The following IGFBP4 variants were observed in gnomAD, a reference collection of about 807,000 sequenced individuals.
IGFBP4 encodes insulin like growth factor binding protein 4.
A neutral mutation model predicts 25.8 loss-of-function variants in IGFBP4; 9 were observed. The ratio of observed to expected loss-of-function variants is 0.35; its 90% CI spans 0.21 to 0.61. IGFBP4 has a LOEUF of 0.61. Ranked by LOEUF, IGFBP4 falls within the 20% of genes least tolerant of loss-of-function variation. The probability of loss-of-function intolerance (pLI) is 0.77; values close to 1 mark genes in which losing one functional copy is unlikely to be tolerated. For synonymous variants in IGFBP4, 153 were observed against 153.9 expected, an observed-to-expected ratio of 0.99 and a Z score of 0.05; for missense variants, 315 against 365.3, an observed-to-expected ratio of 0.86 and a Z score of 1.12.
rs1439411270 is a variant in IGFBP4, at chr17:40,457,107, C to T, written c.*524C>T. On this transcript the variant is annotated 3_prime_UTR_variant, in exon 4 of 4. Coordinates refer to ENST00000269593, the MANE Select transcript of IGFBP4 (RefSeq NM_001552.3). Reference sequence around the variant, plus strand: ...GAGAAGAGACATGTACCTTGACCATCGTCCTTCCTCTCAAGCTAGCCAGAG... The same window carrying T: ...GAGAAGAGACATGTACCTTGACCATTGTCCTTCCTCTCAAGCTAGCCAGAG... 1.3e-5 allele frequency: 2 copies of T among 152,640 alleles called. No individual in the cohort carries two copies. Among genetic ancestry groups the T allele is most frequent in the Non-Finnish European group, 1.5e-5 (1 of 68,382 alleles). The allele number at this position is 152,640 out of a possible 1,614,324, so 9.5% of individuals were successfully genotyped here. A position where few individuals can be genotyped will look rare whatever the true frequency, so the allele number is the denominator to read the frequency against.
rs146275154 is a variant in IGFBP4 at position 40,453,118 on chromosome 17, G to A, written c.483G>A (p.Ala161=). 5.4e-4 allele frequency: 849 copies of A among 1,579,922 alleles called. No homozygotes were observed. The highest frequency in any genetic ancestry group is 4.3e-4 in the Non-Finnish European group (496 of 1,162,228). Reference sequence around the variant, plus strand: ...GGGGCAAGATGAAGGTCAATGGGGCGCCCCGGGAGGATGCCCGGCCTGTGG... The same window carrying A: ...GGGGCAAGATGAAGGTCAATGGGGCACCCCGGGAGGATGCCCGGCCTGTGG... The part of the protein sequence containing the change: ...TSGGKMKVNG[A]PREDARPVPQ... The change falls in exon 2 of 4, where the codon GCG becomes GCA. Residue 161 remains alanine, a synonymous_variant. Coordinates refer to ENST00000269593, the MANE Select transcript of IGFBP4 (RefSeq NM_001552.3). This position sits in a 1 kb window ranked among gnomAD's most constrained non-coding sequence, Gnocchi z 4.0.
rs1426316704 is a variant in IGFBP4 at position 40,456,668 on chromosome 17, G to A, written c.*85G>A. 1 of 1,379,724 alleles carries A rather than the reference G, an allele frequency of 7.2e-7. No individual in the cohort carries two copies. The highest frequency in any genetic ancestry group is 2.3e-5 in the East Asian group (1 of 42,848). The allele number at this position is 1,379,724 out of a possible 1,614,324, so 85.5% of individuals were successfully genotyped here. A position where few individuals can be genotyped will look rare whatever the true frequency, so the allele number is the denominator to read the frequency against. On this transcript the variant is annotated 3_prime_UTR_variant, in exon 4 of 4. Transcript: ENST00000269593. ...AGAGCTGACCCAGAGTGGAGTCTGA[G>A]TCTGAGTCCTGTCTCTGCCTGCGGC...
rs2035622419 is a variant in IGFBP4 at position 40,443,678 on chromosome 17, G to GCCCGCGCT, written c.-54_-47dup. 1 of 1,015,464 alleles carries GCCCGCGCT rather than the reference G, an allele frequency of 9.8e-7. No individual in the cohort carries two copies. 62.9% of individuals were successfully genotyped at this position (1,015,464 alleles called of 1,614,324 possible). On this transcript the variant is annotated 5_prime_UTR_variant, in exon 1 of 4. Coordinates refer to ENST00000269593, the MANE Select transcript of IGFBP4 (RefSeq NM_001552.3). ...TGTGCCCTCCGCCGCTCGCCCGCGC[G>GCCCGCGCT]CCCGCGCTCCCCGCCTGCGCCCAGC... is the stretch of plus-strand genomic sequence containing the variant.
rs201969390 is a variant in IGFBP4, at chr17:40,456,585, G to A, written c.*2G>A. On this transcript the variant is annotated 3_prime_UTR_variant, in exon 4 of 4. Coordinates refer to ENST00000269593, the MANE Select transcript of IGFBP4 (RefSeq NM_001552.3). Reference sequence around the variant, plus strand: ...CTGGCTGACAGCTTTCGAGAGTGAGGCCTGCCAGCAGGCCAGGGACTCAGC... The same window carrying A: ...CTGGCTGACAGCTTTCGAGAGTGAGACCTGCCAGCAGGCCAGGGACTCAGC... 6.2e-7 allele frequency: 1 copy of A among 1,611,680 alleles called. No individual in the cohort carries two copies. Among genetic ancestry groups the A allele is most frequent in the Non-Finnish European group, 8.5e-7 (1 of 1,179,362 alleles).
Position 40,456,519 on chromosome 17 carries a change from C to CG in IGFBP4, c.719dup (p.Leu241ProfsTer14). ...GACCGGAAGACGGGGGTGAAGCTTCCGGGGGGCCTGGAGCCAAAGGGGGAG... is the reference window on the plus strand; with the variant it reads ...GACCGGAAGACGGGGGTGAAGCTTCCGGGGGGGCCTGGAGCCAAAGGGGGAG... On this transcript the variant is annotated frameshift_variant, in exon 4 of 4. Transcript: ENST00000269593. LOFTEE classifies it high-confidence loss of function. The CG allele has an allele frequency of 1.1e-5, 17 of 1,613,628 alleles. No homozygotes were observed. Among genetic ancestry groups the CG allele is most frequent in the Non-Finnish European group, 1.2e-5 (14 of 1,179,858 alleles).
intron 3 of IGFBP4, among the ~76,000 whole-genome samples, chr17:40,455,356 A>C (rs1037185356): frequency 6.6e-6 from 1 of 151,916 alleles, no homozygotes; most frequent in Non-Finnish European, 1.5e-5. Flanking sequence ...GCAGGATCTC[A>C]GTCTCCCAGG....
At chr17:40,444,984 G>GAGAT (rs2035636451) in intron 1 of IGFBP4, among the ~76,000 whole-genome samples, 1 of 138,470 alleles carries the variant, frequency 7.2e-6, no homozygotes, top group Non-Finnish European at 1.6e-5. Flanking sequence ...GAGAGAGAGA[G>GAGAT]ACTCTGAGAA....
At chr17:40,452,434 A>G (rs2035689075) in intron 1 of IGFBP4, among the ~76,000 whole-genome samples, 1 of 151,828 alleles carries the variant, frequency 6.6e-6, no homozygotes, top group Non-Finnish European at 1.5e-5. Context: ...CTTCTCTCCC[A>G]CTCAGCCAAT....
Position 40,456,676 on chromosome 17 carries a change from C to A in IGFBP4, c.*93C>A. 7.8e-7 allele frequency: 1 copy of A among 1,278,914 alleles called. No individual in the cohort carries two copies. The highest frequency in any genetic ancestry group is 1.1e-6 in the Non-Finnish European group (1 of 922,748). The allele number at this position is 1,278,914 out of a possible 1,614,324, so 79.2% of individuals were successfully genotyped here. A position where few individuals can be genotyped will look rare whatever the true frequency, so the allele number is the denominator to read the frequency against. ...CCCAGAGTGGAGTCTGAGTCTGAGT[C>A]CTGTCTCTGCCTGCGGCCCAGAAGT... On this transcript the variant is annotated 3_prime_UTR_variant, in exon 4 of 4. Coordinates refer to ENST00000269593, the MANE Select transcript of IGFBP4 (RefSeq NM_001552.3).
intron 1 of IGFBP4, among the ~76,000 whole-genome samples, chr17:40,448,677 T>C (rs1158856639): frequency 6.6e-6 from 1 of 152,182 alleles, no homozygotes; most frequent in Non-Finnish European, 1.5e-5. Flanking sequence ...AGAGACTCAA[T>C]GCTATAACCC....
rs754804860 is a variant in IGFBP4 at position 40,453,161 on chromosome 17, C to T, written c.507+19C>T. On this transcript the variant is annotated intron_variant, in intron 2 of 3. Transcript: ENST00000269593. This position sits in a 1 kb window ranked among gnomAD's most constrained non-coding sequence, Gnocchi z 4.0. Reference sequence around the variant, plus strand: ...GCCTGTGGTAAGGACCTCCGATGCACAAATGTGCATGTGCATAGACACACA... The same window carrying T: ...GCCTGTGGTAAGGACCTCCGATGCATAAATGTGCATGTGCATAGACACACA... 4.0e-6 allele frequency: 6 copies of T among 1,508,720 alleles called. No individual in the cohort carries two copies. Among genetic ancestry groups the T allele is most frequent in the Non-Finnish European group, 5.3e-6 (6 of 1,127,842 alleles). The allele number at this position is 1,508,720 out of a possible 1,614,324, so 93.5% of individuals were successfully genotyped here.
At chr17:40,446,876 C>T (rs1251719188) in intron 1 of IGFBP4, among the ~76,000 whole-genome samples, 2 of 152,304 alleles carry the variant, frequency 1.3e-5, no homozygotes, top group Non-Finnish European at 2.9e-5. Flanking sequence ...CTTGCTGTGA[C>T]CTGGGCCACA....
At position 40,456,539 on chromosome 17, in the gene IGFBP4, G is replaced by T; in HGVS notation, c.733G>T (p.Gly245Trp). 4 of 1,613,606 alleles carry T rather than the reference G, an allele frequency of 2.5e-6. No individual in the cohort carries two copies. The highest frequency in any genetic ancestry group is 1.1e-5 in the South Asian group (1 of 91,054). ...VKLPGGLEPK[G>W]ELDCHQLADS... ...GCTTCCGGGGGGCCTGGAGCCAAAG[G>T]GGGAGCTGGACTGCCACCAGCTGGC... is the stretch of plus-strand genomic sequence containing the variant. Residue 245 changes from glycine (G) to tryptophan (W), a missense_variant, in exon 4 of 4, where the codon GGG becomes TGG. By Grantham distance (184) the Gly-to-Trp change is radical. Coordinates refer to ENST00000269593, the MANE Select transcript of IGFBP4 (RefSeq NM_001552.3).
chr17:40,445,230 C>T (rs1567799695), intron 1 of IGFBP4, among the ~76,000 whole-genome samples: 1 of 152,052 alleles, frequency 6.6e-6, no homozygotes, highest in Admixed American at 6.6e-5. Flanking sequence ...TGCTTCTCTC[C>T]CTCTCTTTCT....
At position 40,453,673 on chromosome 17, in the gene IGFBP4, T is replaced by TTCCCCACAGTG. The variant is rs1426527577; in HGVS notation, c.508-249_508-239dup. Among the ~76,000 whole-genome samples, 37 of 152,054 alleles carry TTCCCCACAGTG rather than the reference T, an allele frequency of 2.4e-4. No homozygotes were observed. Among genetic ancestry groups the TTCCCCACAGTG allele is most frequent in the Middle Eastern group, 3.2e-3 (1 of 316 alleles). ...TTCTGCATAGGTTCCCACAGCCCCT[T>TTCCCCACAGTG]TCCCCACAGTGTCCCCTCACTTCCC... On this transcript the variant is annotated intron_variant, in intron 2 of 3. Coordinates refer to ENST00000269593, the MANE Select transcript of IGFBP4 (RefSeq NM_001552.3). This position sits in a 1 kb window ranked among gnomAD's most constrained non-coding sequence, Gnocchi z 4.0.
chr17:40,454,134 G>A lies in IGFBP4; in HGVS notation c.642+72G>A. The A allele has an allele frequency of 2.0e-6, 3 of 1,520,734 alleles. No individual in the cohort carries two copies. In the Admixed American group the frequency reaches 6.3e-5, roughly 32 times the overall value. The allele number at this position is 1,520,734 out of a possible 1,614,324, so 94.2% of individuals were successfully genotyped here. A position where few individuals can be genotyped will look rare whatever the true frequency, so the allele number is the denominator to read the frequency against. On this transcript the variant is annotated intron_variant, in intron 3 of 3. Coordinates refer to ENST00000269593, the MANE Select transcript of IGFBP4 (RefSeq NM_001552.3). ...GCATTTCCGGCCTCTCCGCAGGATG[G>A]TCCTGGATGGAGATCTCAGGAAGGG...
intron 3 of IGFBP4, 78 bp from the exon 4 acceptor site, chr17:40,456,360 GGGGGCTGGGCT>G: frequency 7.0e-7 from 1 of 1,419,816 alleles, no homozygotes; most frequent in Non-Finnish European, 9.8e-7. Flanking sequence ...CGTCTGACTT[GGGGGCTGGGCT>G]GGGCTGGGAT....
Position 40,456,576 on chromosome 17 carries a change from G to C in IGFBP4, c.770G>C (p.Arg257Pro), listed in dbSNP as rs764155216. The change falls in exon 4 of 4, where the codon CGA becomes CCA. Residue 257 changes from arginine to proline, a missense_variant. Transcript: ENST00000269593. ...LDCHQLADSF[R>P]E ...TGCCACCAGCTGGCTGACAGCTTTC[G>C]AGAGTGAGGCCTGCCAGCAGGCCAG... The C allele has an allele frequency of 1.2e-6, 2 of 1,612,548 alleles. No homozygotes were observed. Among genetic ancestry groups the C allele is most frequent in the East Asian group, 4.5e-5 (2 of 44,850 alleles).
At chr17:40,451,836 A>G (rs895616103) in intron 1 of IGFBP4, among the ~76,000 whole-genome samples, 1 of 151,892 alleles carries the variant, frequency 6.6e-6, no homozygotes, top group Admixed American at 6.6e-5. Flanking sequence ...AATGTATTTT[A>G]TTTTATTTTA....
Sources: gnomAD v4.1 joint callset for allele counts (sites outside exome capture counted in the v4.1 genomes callset) on GRCh38, gnomAD v4.1.1 for gene constraint, Gnocchi (gnomAD v3.1) non-coding constraint, MANE v1.5 for transcripts, NCBI Gene and HGNC (gene_info 2026-07-23, HGNC 2026-07-21) for gene names.